PTPRD: variants seen among roughly 807,000 people sequenced by gnomAD.
The protein encoded by PTPRD is receptor-type tyrosine-protein phosphatase delta.
A neutral mutation model predicts 214.5 loss-of-function variants in PTPRD; 34 were observed. The ratio of observed to expected loss-of-function variants is 0.16; its 90% CI spans 0.12 to 0.21. PTPRD has a LOEUF of 0.21. Among genes scored for constraint, PTPRD ranks in the 10% least tolerant of loss-of-function variants. The pLI is 1.00. For synonymous variants in PTPRD, 1,128 were observed against 845.7 expected (o/e 1.33, Z -5.79); for missense variants, 2,545 against 2,398.7 (o/e 1.06, Z -1.27).
At chr9:9,922,731 CA>C (rs1278759008) in intron 5 of PTPRD, among the ~76,000 whole-genome samples, 1 of 151,784 alleles carries the variant, frequency 6.6e-6, no homozygotes, top group African/African-American at 2.4e-5. Context: ...GAACATAAGA[CA>C]AACCAAAAAC....
At chr9:8,923,025 C>T (rs1032537036) in intron 11 of PTPRD, among the ~76,000 whole-genome samples, 6 of 121,848 alleles carry the variant, frequency 4.9e-5, no homozygotes, top group African/African-American at 2.0e-4. Flanking sequence ...GTTTCTTTTT[C>T]TCTCTTTTTG....
chr9:10,239,758 T>C (rs529806057), intron 3 of PTPRD, among the ~76,000 whole-genome samples: 1 of 152,006 alleles, frequency 6.6e-6, no homozygotes, highest in Non-Finnish European at 1.5e-5. Context: ...CACAAAATGA[T>C]AACGCAATCT....
At chr9:8,710,077 TA>T (rs2098297774) in intron 12 of PTPRD, among the ~76,000 whole-genome samples, 1 of 152,182 alleles carries the variant, frequency 6.6e-6, no homozygotes, top group African/African-American at 2.4e-5. Flanking sequence ...TGATTGTTAT[TA>T]AATAATCTGC....
intron 11 of PTPRD, among the ~76,000 whole-genome samples, chr9:8,903,642 T>C (rs1213449000): frequency 2.6e-5 from 4 of 152,144 alleles, no homozygotes; most frequent in Admixed American, 2.6e-4. Flanking sequence ...TAAAAACGAA[T>C]AAAAATATTT....
intron 5 of PTPRD, among the ~76,000 whole-genome samples, chr9:9,918,342 C>T (rs761944587): frequency 1.5e-5 from 1 of 66,002 alleles, no homozygotes; most frequent in Non-Finnish European, 3.3e-5. Flanking sequence ...ATAAATTTAA[C>T]CAAAGAGGTA....
At chr9:10,249,273 T>A (rs1025222857) in intron 3 of PTPRD, among the ~76,000 whole-genome samples, 5 of 152,152 alleles carry the variant, frequency 3.3e-5, no homozygotes, top group African/African-American at 4.8e-5. Context: ...GTAAACTTAG[T>A]TCTCTTTTGT....
intron 27 of PTPRD, among the ~76,000 whole-genome samples, chr9:8,491,583 C>T (rs1233686054): frequency 1.3e-5 from 2 of 149,788 alleles, no homozygotes; most frequent in Non-Finnish European, 3.0e-5. Flanking sequence ...GCCAGATAGT[C>T]ATCATGCCAT....
chr9:10,181,450 T>A (rs1032924553), intron 3 of PTPRD, among the ~76,000 whole-genome samples: 2 of 152,136 alleles, frequency 1.3e-5, no homozygotes, highest in East Asian at 3.9e-4. Context: ...AATTCATTTA[T>A]CTCTTAGTGC....
chr9:9,881,881 T>G (rs547658886), intron 5 of PTPRD, among the ~76,000 whole-genome samples: 3 of 152,218 alleles, frequency 2.0e-5, no homozygotes, highest in East Asian at 1.9e-4. Flanking sequence ...CACAAGAACA[T>G]GCCTGGGCTA....
chr9:9,300,249 C>A (rs963138304), intron 9 of PTPRD, among the ~76,000 whole-genome samples: 1 of 151,288 alleles, frequency 6.6e-6, no homozygotes, highest in African/African-American at 2.4e-5. Context: ...TTAAAATGAC[C>A]TACAGGGCCT....
chr9:8,561,848 A>C (rs555467799), intron 14 of PTPRD, among the ~76,000 whole-genome samples: 102 of 151,672 alleles, frequency 6.7e-4, no homozygotes, highest in Non-Finnish European at 9.9e-4. Context: ...ATTTATATAT[A>C]TTTAGTGATC....
chr9:10,590,318 C>T (rs1212267563), intron 2 of PTPRD, among the ~76,000 whole-genome samples: 1 of 151,922 alleles, frequency 6.6e-6, no homozygotes, highest in Non-Finnish European at 1.5e-5. Flanking sequence ...TTTTAAAAAT[C>T]AGCTTAATTG....
At chr9:10,600,154 G>T (rs1249192081) in intron 2 of PTPRD, among the ~76,000 whole-genome samples, 1 of 151,466 alleles carries the variant, frequency 6.6e-6, no homozygotes, top group African/African-American at 2.4e-5. Flanking sequence ...TATCAAAATT[G>T]ATCAACTTAA....
At chr9:8,455,200 T>C (rs1265245654) in intron 33 of PTPRD, among the ~76,000 whole-genome samples, 1 of 152,188 alleles carries the variant, frequency 6.6e-6, no homozygotes, top group African/African-American at 2.4e-5. Context: ...AAGGATTAAG[T>C]GCATCTTCAG....
At chr9:10,091,657 T>C (rs2098433052) in intron 3 of PTPRD, among the ~76,000 whole-genome samples, 1 of 151,462 alleles carries the variant, frequency 6.6e-6, no homozygotes, top group Non-Finnish European at 1.5e-5. Flanking sequence ...AAATAATACA[T>C]TTTTAGAATC....
At chr9:9,767,390 A>T (rs1270591319) in intron 5 of PTPRD, among the ~76,000 whole-genome samples, 1 of 152,080 alleles carries the variant, frequency 6.6e-6, no homozygotes, top group Non-Finnish European at 1.5e-5. Context: ...GGCACAGATA[A>T]TAGATTTAAA....
rs190912528 is a variant in PTPRD, at chr9:8,445,362, A to G, written c.3988+4363T>C. On this transcript the variant is annotated intron_variant, in intron 34 of 45. Coordinates refer to ENST00000381196, the MANE Select transcript of PTPRD (RefSeq NM_002839.4). Reference sequence around the variant, plus strand: ...TGCCATCTGAACCACAATAAGACAGACACTTACAATCAATCATGCAAAATA... The same window carrying G: ...TGCCATCTGAACCACAATAAGACAGGCACTTACAATCAATCATGCAAAATA... Among the ~76,000 whole-genome samples the G allele has an allele frequency of 1.7e-4, 26 of 152,324 alleles. No individual in the cohort carries two copies. The East Asian group carries it at 5.0e-3, about 29-fold the overall frequency.
chr9:10,162,716 T>C (rs1256882278), intron 3 of PTPRD, among the ~76,000 whole-genome samples: 1 of 146,234 alleles, frequency 6.8e-6, no homozygotes, highest in Non-Finnish European at 1.5e-5. Flanking sequence ...CACGTATATA[T>C]ATACATATAC....
intron 9 of PTPRD, among the ~76,000 whole-genome samples, chr9:9,247,292 A>G (rs2099973490): frequency 6.6e-6 from 1 of 151,988 alleles, no homozygotes; most frequent in Non-Finnish European, 1.5e-5. Flanking sequence ...AACTCAGTCT[A>G]TTACTATTAG....
Sources: allele counts gnomAD v4.1 joint callset (sites outside exome capture counted in the v4.1 genomes callset), GRCh38; gene constraint gnomAD v4.1.1; transcripts MANE v1.5; gene names NCBI Gene and HGNC (gene_info 2026-07-23, HGNC 2026-07-21).